The following THADA variants were observed in gnomAD, a reference collection of about 807,000 sequenced individuals.
The protein encoded by THADA is tRNA (32-2'-O)-methyltransferase regulator THADA.
THADA carries 213 observed loss-of-function variants against 219.8 expected under a neutral mutation model. The ratio of observed to expected loss-of-function variants is 0.97; its 90% CI spans 0.87 to 1.09. THADA has a LOEUF of 1.09. THADA is among the 50% of genes least tolerant of loss of function. The pLI is 0.00. For synonymous variants in THADA, 1,018 were observed against 828.9 expected (o/e 1.23, Z -3.92); for missense variants, 2,956 against 2,311.3 (o/e 1.28, Z -5.72).
At chr2:43,513,287 C>A (rs942316524) in intron 22 of THADA, among the ~76,000 whole-genome samples, 13 of 152,154 alleles carry the variant, frequency 8.5e-5, no homozygotes, top group African/African-American at 2.9e-4. Flanking sequence ...CATCCCCCTA[C>A]AATGCAAGTT....
chr2:43,455,188 C>A (rs1573734160), intron 26 of THADA, among the ~76,000 whole-genome samples: 1 of 152,070 alleles, frequency 6.6e-6, no homozygotes. Flanking sequence ...CTGGCAGTGT[C>A]CTTTTACTGT....
chr2:43,319,945 A>G (rs959431539), intron 31 of THADA, among the ~76,000 whole-genome samples: 1 of 152,236 alleles, frequency 6.6e-6, no homozygotes, highest in African/African-American at 2.4e-5. Flanking sequence ...CTGTATGTGG[A>G]TCTGGGGTCC....
chr2:43,364,908 G>C (rs980224942), intron 29 of THADA, among the ~76,000 whole-genome samples: 6 of 151,898 alleles, frequency 4.0e-5, no homozygotes, highest in African/African-American at 1.5e-4. Context: ...TTGTAATTGT[G>C]ATGGTAACTG....
intron 26 of THADA, among the ~76,000 whole-genome samples, chr2:43,443,917 C>T (rs1440984361): frequency 2.0e-5 from 3 of 151,964 alleles, no homozygotes; most frequent in African/African-American, 7.3e-5. Flanking sequence ...ACCAACAAGG[C>T]AACCCTTGGC....
intron 25 of THADA, among the ~76,000 whole-genome samples, chr2:43,490,366 C>T (rs771864435): frequency 6.6e-6 from 1 of 152,118 alleles, no homozygotes; most frequent in Non-Finnish European, 1.5e-5. Context: ...AACTCCAGTA[C>T]AATGTTGAAT....
At position 43,322,145 on chromosome 2, in the gene THADA, T is replaced by TGCCTCAGCCTCA. The variant is rs576148194; in HGVS notation, c.4344-1606_4344-1605insTGAGGCTGAGGC. 1.5e-4 allele frequency among the ~76,000 whole-genome samples: 23 copies of TGCCTCAGCCTCA among 152,054 alleles called. No homozygotes were observed. The East Asian group carries it at 4.3e-3, about 28-fold the overall frequency. ...CCACCTCCTGAATTCGTGATTATCC[T>TGCCTCAGCCTCA]GCCTCAGCCTCCCAAGTAGCTGGGA... On this transcript the variant is annotated intron_variant, in intron 30 of 37. Coordinates refer to ENST00000405975, the MANE Select transcript of THADA (RefSeq NM_022065.5).
At chr2:43,449,285 A>T (rs952223703) in intron 26 of THADA, among the ~76,000 whole-genome samples, 1 of 152,028 alleles carries the variant, frequency 6.6e-6, no homozygotes, top group Non-Finnish European at 1.5e-5. Context: ...CTGAGGAACA[A>T]AAAAAAGATT....
At chr2:43,373,238 T>C (rs574626766) in intron 29 of THADA, among the ~76,000 whole-genome samples, 7 of 152,252 alleles carry the variant, frequency 4.6e-5, no homozygotes, top group Non-Finnish European at 1.0e-4. Context: ...TAAAATACAA[T>C]ATATAACACA....
At chr2:43,542,008 A>C (rs1695386578) in intron 20 of THADA, among the ~76,000 whole-genome samples, 1 of 152,212 alleles carries the variant, frequency 6.6e-6, no homozygotes, top group South Asian at 2.1e-4. Flanking sequence ...TTTAAAATCA[A>C]AGGAAAATAC....
chr2:43,549,862 A>G (rs1339744411), intron 19 of THADA, among the ~76,000 whole-genome samples: 2 of 152,216 alleles, frequency 1.3e-5, no homozygotes, highest in Non-Finnish European at 2.9e-5. Context: ...CAAGGTATCA[A>G]AGTTTAAAGA....
At position 43,327,661 on chromosome 2, in the gene THADA, C is replaced by T. The variant is rs565247506; in HGVS notation, c.4344-7121G>A. On this transcript the variant is annotated intron_variant, in intron 30 of 37. Transcript: ENST00000405975. ...GCACAGGCACCTATAATCCCAGCTA[C>T]TCTGGAGGCTGACATGGAAGGATTG... 2.2e-4 allele frequency among the ~76,000 whole-genome samples: 33 copies of T among 152,302 alleles called. No individual in the cohort carries two copies. In the South Asian group the frequency reaches 6.6e-3, roughly 31 times the overall value.
intron 26 of THADA, among the ~76,000 whole-genome samples, chr2:43,438,540 G>A (rs890141293): frequency 6.6e-6 from 1 of 152,200 alleles, no homozygotes; most frequent in South Asian, 2.1e-4. Context: ...TCTTGAAAAC[G>A]GGCATCAGAA....
chr2:43,292,691 C>T lies in THADA; in HGVS notation c.4818+143G>A, dbSNP rs528319972. 5 of 1,007,702 alleles carry T rather than the reference C, an allele frequency of 5.0e-6. No individual in the cohort carries two copies. In the African/African-American group the frequency reaches 6.4e-5, roughly 13 times the overall value. The allele number at this position is 1,007,702 out of a possible 1,614,324, so 62.4% of individuals were successfully genotyped here. A position where few individuals can be genotyped will look rare whatever the true frequency, so the allele number is the denominator to read the frequency against. ...ATGCCAACCACCATAAAAAGAGAGT[C>T]CTTATCCACTGGCTGCCGAATCTAC... is the stretch of plus-strand genomic sequence containing the variant. On this transcript the variant is annotated intron_variant, in intron 32 of 37. Transcript: ENST00000405975.
chr2:43,552,471 A>T (rs962297603), intron 17 of THADA, 132 bp from the exon 18 acceptor site: 2 of 1,000,990 alleles, frequency 2.0e-6, no homozygotes, highest in African/African-American at 3.3e-5. Flanking sequence ...AATCAAAAAG[A>T]GATCTTTCAG....
chr2:43,558,540 GC>G (rs1232305126), intron 16 of THADA, among the ~76,000 whole-genome samples: 3 of 152,186 alleles, frequency 2.0e-5, no homozygotes, highest in Non-Finnish European at 4.4e-5. Flanking sequence ...TGCCAGTGCA[GC>G]AAGAATAAAA....
intron 34 of THADA, among the ~76,000 whole-genome samples, chr2:43,289,393 G>A (rs540065778): frequency 6.6e-6 from 1 of 152,274 alleles, no homozygotes; most frequent in East Asian, 1.9e-4. Flanking sequence ...AACATGATGA[G>A]TATTTTAGAC....
intron 20 of THADA, among the ~76,000 whole-genome samples, chr2:43,541,769 T>C (rs1384499005): frequency 2.0e-5 from 3 of 152,128 alleles, no homozygotes; most frequent in Non-Finnish European, 2.9e-5. Flanking sequence ...GCTGGGATTA[T>C]AGACATGAGC....
At chr2:43,569,306 G>C (rs1444386477) in intron 14 of THADA, among the ~76,000 whole-genome samples, 1 of 152,204 alleles carries the variant, frequency 6.6e-6, no homozygotes, top group Non-Finnish European at 1.5e-5. Context: ...GCTTTGTAGA[G>C]AGATATATAG....
intron 29 of THADA, among the ~76,000 whole-genome samples, chr2:43,376,228 C>G (rs74469180): frequency 0.065 from 9,832 of 152,272 alleles, 402 homozygotes; most frequent in Non-Finnish European, 0.097. Flanking sequence ...CACAAGGACA[C>G]TCTGCTGTAT....
Sources: allele counts gnomAD v4.1 joint callset (sites outside exome capture counted in the v4.1 genomes callset), GRCh38; gene constraint gnomAD v4.1.1; transcripts MANE v1.5; gene names NCBI Gene and HGNC (gene_info 2026-07-23, HGNC 2026-07-21).